The following CDH13 variants were observed in gnomAD, a reference collection of about 807,000 sequenced individuals.
CDH13 encodes the protein cadherin 13.
In CDH13, 24 loss-of-function variants were observed where a neutral mutation model predicts 63.8. That is an observed-to-expected ratio of 0.38 (90% CI 0.27 to 0.53). The LOEUF (loss-of-function observed/expected upper bound fraction) is 0.53, where lower values mean the gene tolerates loss of function less well. Ranked by LOEUF, CDH13 falls within the 20% of genes least tolerant of loss-of-function variation. The pLI is 0.85. For missense variants in CDH13, 1,049 were observed against 903.1 expected (o/e 1.16, Z -2.07); for synonymous variants, 503 against 355.3 (o/e 1.42, Z -4.67).
intron 6 of CDH13, among the ~76,000 whole-genome samples, chr16:83,392,655 A>C (rs2091810986): frequency 6.6e-6 from 1 of 152,218 alleles, no homozygotes; most frequent in Non-Finnish European, 1.5e-5. Flanking sequence ...CGTCTTCCCA[A>C]GACCAAGCCC....
At chr16:83,504,034 A>T (rs1274503576) in intron 7 of CDH13, among the ~76,000 whole-genome samples, 1 of 152,186 alleles carries the variant, frequency 6.6e-6, no homozygotes, top group Non-Finnish European at 1.5e-5. Context: ...ATATGGGTTG[A>T]TGGGTGCAGC....
At chr16:82,842,642 C>T (rs1460932291) in intron 1 of CDH13, among the ~76,000 whole-genome samples, 1 of 152,058 alleles carries the variant, frequency 6.6e-6, no homozygotes, top group African/African-American at 2.4e-5. Flanking sequence ...TCCCATGTAC[C>T]AGGGACATGG....
chr16:82,797,891 A>G (rs1287789542), intron 1 of CDH13, among the ~76,000 whole-genome samples: 1 of 152,050 alleles, frequency 6.6e-6, no homozygotes, highest in African/African-American at 2.4e-5. Context: ...AAGACACCAC[A>G]GCCTTCTCAG....
chr16:83,344,352 T>C (rs1207366371), intron 5 of CDH13, among the ~76,000 whole-genome samples: 1 of 152,218 alleles, frequency 6.6e-6, no homozygotes, highest in Non-Finnish European at 1.5e-5. Context: ...TCCCGAGGTC[T>C]CATTCAGGCC....
At chr16:82,665,572 G>A (rs757625449) in intron 1 of CDH13, among the ~76,000 whole-genome samples, 6 of 152,066 alleles carry the variant, frequency 3.9e-5, no homozygotes, top group Non-Finnish European at 8.8e-5. Context: ...GATTTATGAT[G>A]AGATTTTATC....
chr16:82,853,000 C>T (rs1381502), intron 1 of CDH13, among the ~76,000 whole-genome samples: 7 of 152,038 alleles, frequency 4.6e-5, no homozygotes, highest in Admixed American at 2.0e-4. Context: ...TAAGAAAGAA[C>T]GAAAGTTCTG....
intron 2 of CDH13, among the ~76,000 whole-genome samples, chr16:83,018,516 C>T (rs1268083561): frequency 6.6e-6 from 1 of 152,160 alleles, no homozygotes; most frequent in African/African-American, 2.4e-5. Flanking sequence ...ATATAGGTTC[C>T]ACTTGAAAGT....
intron 4 of CDH13, among the ~76,000 whole-genome samples, chr16:83,184,487 G>T (rs1226719729): frequency 6.6e-6 from 1 of 152,146 alleles, no homozygotes; most frequent in Non-Finnish European, 1.5e-5. Context: ...GGGTGCGGTG[G>T]CTCACACCTG....
chr16:82,650,581 A>C (rs1401628694), intron 1 of CDH13, among the ~76,000 whole-genome samples: 1 of 152,118 alleles, frequency 6.6e-6, no homozygotes, highest in East Asian at 1.9e-4. Context: ...CTGGGCCCCA[A>C]AATGTCCCGC....
chr16:82,892,515 A>T (rs1005180043), intron 2 of CDH13, among the ~76,000 whole-genome samples: 1 of 152,218 alleles, frequency 6.6e-6, no homozygotes, highest in Non-Finnish European at 1.5e-5. Context: ...GGTAAATGAC[A>T]GTCTGTGTAG....
intron 6 of CDH13, among the ~76,000 whole-genome samples, chr16:83,379,265 A>C (rs2091513142): frequency 6.6e-6 from 1 of 152,178 alleles, no homozygotes; most frequent in Non-Finnish European, 1.5e-5. Context: ...CTCAAGTGTC[A>C]ACTAAAAAAT....
intron 1 of CDH13, among the ~76,000 whole-genome samples, chr16:82,806,381 C>T (rs28566982): frequency 1.3e-5 from 2 of 152,086 alleles, no homozygotes; most frequent in Non-Finnish European, 2.9e-5. Flanking sequence ...AGGTACAAAA[C>T]GTATACCAGA....
At chr16:83,511,184 G>A (rs191973267) in intron 7 of CDH13, among the ~76,000 whole-genome samples, 45 of 152,302 alleles carry the variant, frequency 3.0e-4, no homozygotes, top group East Asian at 1.2e-3. Context: ...GTTCGTGGCC[G>A]GGTGCGGTGG....
chr16:83,496,724 G>A (rs1418009820), intron 7 of CDH13, among the ~76,000 whole-genome samples: 14 of 152,130 alleles, frequency 9.2e-5, no homozygotes, highest in South Asian at 6.2e-4. Flanking sequence ...GTGAACAGGC[G>A]ACCTACAAAA....
chr16:83,117,125 T>G (rs1249429455), intron 3 of CDH13, among the ~76,000 whole-genome samples: 1 of 152,216 alleles, frequency 6.6e-6, no homozygotes, highest in Admixed American at 6.5e-5. Flanking sequence ...AAAGCAGCTA[T>G]GATCTGTTTT....
At chr16:82,846,310 C>T (rs993910852) in intron 1 of CDH13, among the ~76,000 whole-genome samples, 1 of 151,894 alleles carries the variant, frequency 6.6e-6, no homozygotes, top group African/African-American at 2.4e-5. Context: ...ATACTTTATA[C>T]ATACCCTCTA....
At chr16:82,657,450 C>A (rs956520046) in intron 1 of CDH13, among the ~76,000 whole-genome samples, 29 of 152,134 alleles carry the variant, frequency 1.9e-4, no homozygotes, top group African/African-American at 6.8e-4. Flanking sequence ...AATTCACATT[C>A]CCGGCAGGAT....
At chr16:82,971,840 A>T (rs1420968947) in intron 2 of CDH13, among the ~76,000 whole-genome samples, 1 of 152,160 alleles carries the variant, frequency 6.6e-6, no homozygotes, top group South Asian at 2.1e-4. Context: ...TGAGGGGGGA[A>T]GTATCTTTTG....
At chr16:83,525,721 G>T (rs570893111) in intron 7 of CDH13, among the ~76,000 whole-genome samples, 8 of 152,270 alleles carry the variant, frequency 5.3e-5, no homozygotes, top group Admixed American at 3.9e-4. Flanking sequence ...CCTTGAGTCG[G>T]GGAGATGATT....
Sources: allele counts gnomAD v4.1 joint callset (sites outside exome capture counted in the v4.1 genomes callset), GRCh38; gene constraint gnomAD v4.1.1; transcripts MANE v1.5; gene names NCBI Gene and HGNC (gene_info 2026-07-23, HGNC 2026-07-21).